Variants in CHD6 observed in about 807,000 individuals in gnomAD.
The protein encoded by CHD6 is chromodomain helicase DNA binding protein 6.
CHD6 carries 50 observed loss-of-function variants against 276.9 expected under a neutral mutation model. The ratio of observed to expected loss-of-function variants is 0.18; its 90% confidence interval spans 0.14 to 0.23. The LOEUF is 0.23. CHD6 is among the 10% of genes least tolerant of loss of function. The pLI is 1.00. For synonymous variants in CHD6, 1,173 were observed against 1,229.3 expected, an observed-to-expected ratio of 0.95 and a Z score of 0.96; for missense variants, 2,564 against 3,365.8, an observed-to-expected ratio of 0.76 and a Z score of 5.89.
intron 16 of CHD6, 87 bp downstream of exon 16, chr20:41,483,222 T>C: frequency 8.0e-7 from 1 of 1,254,960 alleles, no homozygotes; most frequent in Non-Finnish European, 1.1e-6. Context: ...GTTTTGTGTT[T>C]AAACAAAATT....
chr20:41,451,300 A>T (rs2048232587), intron 22 of CHD6, among the ~76,000 whole-genome samples, 195 bp from the exon 23 acceptor site: 1 of 152,246 alleles, frequency 6.6e-6, no homozygotes, highest in Non-Finnish European at 1.5e-5. Context: ...GTAAACAAAT[A>T]AACTCCAGGA....
chr20:41,403,455 T>C lies in CHD6; in HGVS notation c.*1138A>G, dbSNP rs1214470009. On this transcript the variant is annotated 3_prime_UTR_variant, in exon 37 of 37. Transcript: ENST00000373233. ...GAGAAAATAATGTTGACTTGCAATG[T>C]AGTTTCGATTAACTGATAATTTGGA... 9 of 1,061,986 alleles carry C rather than the reference T, an allele frequency of 8.5e-6. No individual in the cohort carries two copies. The highest frequency in any genetic ancestry group is 1.0e-5 in the Non-Finnish European group (9 of 877,322). The allele number at this position is 1,061,986 out of a possible 1,614,324, so 65.8% of individuals were successfully genotyped here. A position where few individuals can be genotyped will look rare whatever the true frequency, so the allele number is the denominator to read the frequency against.
At chr20:41,512,317 C>A (rs921083329) in intron 5 of CHD6, among the ~76,000 whole-genome samples, 3 of 151,966 alleles carry the variant, frequency 2.0e-5, no homozygotes, top group Non-Finnish European at 2.9e-5. Context: ...AGAGATCAGA[C>A]ACATTCAAAT....
intron 17 of CHD6, among the ~76,000 whole-genome samples, chr20:41,466,835 T>C (rs1173046624): frequency 1.3e-5 from 2 of 152,198 alleles, no homozygotes; most frequent in Non-Finnish European, 2.9e-5. Flanking sequence ...CAACCGAAAC[T>C]ACTCCCAGCC....
chr20:41,439,052 G>A (rs926175302), intron 26 of CHD6, among the ~76,000 whole-genome samples: 1 of 144,578 alleles, frequency 6.9e-6, no homozygotes, highest in African/African-American at 2.4e-5. Context: ...AGAGATAAAT[G>A]CTAAGAGATA....
chr20:41,499,698 TAA>T (rs1415209454), intron 5 of CHD6, among the ~76,000 whole-genome samples: 1 of 152,202 alleles, frequency 6.6e-6, no homozygotes, highest in Non-Finnish European at 1.5e-5. Flanking sequence ...CAGAAAGCTC[TAA>T]GAGTATGGGG....
At chr20:41,427,114 T>C (rs1187716299) in intron 27 of CHD6, among the ~76,000 whole-genome samples, 2 of 151,886 alleles carry the variant, frequency 1.3e-5, no homozygotes, top group East Asian at 1.9e-4. Flanking sequence ...AGGAAGAATA[T>C]GCAACAGAAG....
intron 2 of CHD6, among the ~76,000 whole-genome samples, chr20:41,535,599 C>T (rs78081750): frequency 6.6e-6 from 1 of 152,156 alleles, no homozygotes; most frequent in Non-Finnish European, 1.5e-5. Context: ...TGGTTCACAC[C>T]TGTAATACCA....
chr20:41,614,432 CA>C (rs200172459), intron 1 of CHD6, among the ~76,000 whole-genome samples: 3 of 151,108 alleles, frequency 2.0e-5, no homozygotes, highest in African/African-American at 7.3e-5. Flanking sequence ...TTCATCAATT[CA>C]AAAAAAAATC....
Position 41,404,737 on chromosome 20 carries a change from G to T in CHD6, c.8004C>A (p.His2668Gln). 2 of 1,604,366 alleles carry T rather than the reference G, an allele frequency of 1.2e-6. No individual in the cohort carries two copies. Among genetic ancestry groups the T allele is most frequent in the Non-Finnish European group, 1.7e-6 (2 of 1,174,928 alleles). The change falls in exon 37 of 37, where the codon CAC becomes CAA. Residue 2668 changes from histidine to glutamine, a missense_variant. This residue lies in a region of CHD6 where 238 missense variants were observed against 266.0 expected (regional missense o/e 0.89). Coordinates refer to ENST00000373233, the MANE Select transcript of CHD6 (RefSeq NM_032221.5). ...TTTCACAGCTGGGAGCAGGCTCTGG[G>T]TGGGAGTTGGGGTTGTCCCCCTTTG... ...KKTKGDNPNS[H>Q]PEPAPSCERE...
chr20:41,551,297 T>C lies in CHD6; in HGVS notation c.33+8A>G. 6.8e-7 allele frequency: 1 copy of C among 1,476,598 alleles called. No homozygotes were observed. The highest frequency in any genetic ancestry group is 9.4e-7 in the Non-Finnish European group (1 of 1,064,274). The allele number at this position is 1,476,598 out of a possible 1,614,324, so 91.5% of individuals were successfully genotyped here. A position where few individuals can be genotyped will look rare whatever the true frequency, so the allele number is the denominator to read the frequency against. ...ATGCATTCACTTAAAAGAAAAGTGA[T>C]CACTTACCTGCTTCTCTTTTTTCTG... On this transcript the variant is annotated splice_region_variant and intron_variant, in intron 2 of 36. Coordinates refer to ENST00000373233, the MANE Select transcript of CHD6 (RefSeq NM_032221.5).
chr20:41,521,310 C>G (rs1233235147), intron 3 of CHD6, among the ~76,000 whole-genome samples: 1 of 152,122 alleles, frequency 6.6e-6, no homozygotes, highest in Non-Finnish European at 1.5e-5. Flanking sequence ...CAAACCAATT[C>G]TGAAATTTTT....
chr20:41,600,548 CA>C (rs1304791430), intron 1 of CHD6, among the ~76,000 whole-genome samples: 1 of 152,108 alleles, frequency 6.6e-6, no homozygotes, highest in Non-Finnish European at 1.5e-5. Context: ...AAAGAATAAT[CA>C]AGCAGTATAC....
Position 41,551,329 on chromosome 20 carries a change from C to T in CHD6, c.9G>A (p.Met3Ile), listed in dbSNP as rs754055817. ...CCTGCTTCTCTTTTTTCTGTATTTT[C>T]ATTTTCATCTATTGAAGGAAGATAT... Reference protein sequence around the residue: MKMKIQKKEKQLS... With the variant: MKIKIQKKEKQLS... The change falls in exon 2 of 37, where the codon ATG (methionine) becomes ATA (isoleucine). Residue 3 changes from methionine to isoleucine, a missense_variant. Met to Ile is a conservative substitution (Grantham distance 10). Coordinates refer to ENST00000373233, the MANE Select transcript of CHD6 (RefSeq NM_032221.5). 6.8e-7 allele frequency: 1 copy of T among 1,464,468 alleles called. No homozygotes were observed. Among genetic ancestry groups the T allele is most frequent in the African/African-American group, 1.5e-5 (1 of 68,824 alleles). 90.7% of individuals were successfully genotyped at this position (1,464,468 alleles called of 1,614,324 possible).
chr20:41,611,667 G>C (rs146957013), intron 1 of CHD6, among the ~76,000 whole-genome samples: 96 of 152,044 alleles, frequency 6.3e-4, no homozygotes, highest in African/African-American at 2.2e-3. Flanking sequence ...CTGTCACCCA[G>C]GCTGGAGTGC....
intron 1 of CHD6, among the ~76,000 whole-genome samples, chr20:41,589,759 G>A (rs1479641635): frequency 6.6e-6 from 1 of 152,194 alleles, no homozygotes; most frequent in Non-Finnish European, 1.5e-5. Flanking sequence ...CTCATGGATA[G>A]GAAGAATCAA....
rs1348750873 is a variant in CHD6 at position 41,581,680 on chromosome 20, A to G, written c.-23-30320T>C. ...ACAGAGCGAGACTCCATCTCAAAAA[A>G]AAAAAAAAATCACCATTATCACCAC... On this transcript the variant is annotated intron_variant, in intron 1 of 36. Transcript: ENST00000373233. Among the ~76,000 whole-genome samples, 5 of 152,230 alleles carry G rather than the reference A, an allele frequency of 3.3e-5. No homozygotes were observed. In the East Asian group the frequency reaches 9.7e-4, roughly 29 times the overall value.
At chr20:41,475,810 G>T (rs1376511921) in intron 16 of CHD6, among the ~76,000 whole-genome samples, 1 of 152,266 alleles carries the variant, frequency 6.6e-6, no homozygotes, top group Non-Finnish European at 1.5e-5. Flanking sequence ...CAGCCTTAAG[G>T]GGGAGGGGAA....
chr20:41,490,592 C>A (rs554253994), intron 11 of CHD6, among the ~76,000 whole-genome samples: 1 of 152,156 alleles, frequency 6.6e-6, no homozygotes, highest in South Asian at 2.1e-4. Context: ...GCGGGCAGAT[C>A]ACCTGAGGTC....
Sources: allele counts gnomAD v4.1 joint callset (sites outside exome capture counted in the v4.1 genomes callset), GRCh38; gene constraint gnomAD v4.1.1; regional missense constraint gnomAD v4.1.1; transcripts MANE v1.5; gene names NCBI Gene and HGNC (gene_info 2026-07-23, HGNC 2026-07-21).